The following SLC14A2 variants were observed in gnomAD, a reference collection of about 807,000 sequenced individuals.
SLC14A2 encodes the protein solute carrier family 14 member 2, also known as urea transporter 2.
Under a neutral mutation model 104.6 loss-of-function variants are expected in SLC14A2, and 91 were observed. The ratio of observed to expected loss-of-function variants is 0.87; its 90% CI spans 0.73 to 1.04. The LOEUF is 1.04. SLC14A2 is among the 50% of genes least tolerant of loss of function. The pLI is 0.00. For synonymous variants in SLC14A2, 476 were observed against 466.4 expected (o/e 1.02, Z -0.27); for missense variants, 1,189 against 1,156.0 (o/e 1.03, Z -0.41).
intron 2 of SLC14A2, chr18:45,549,977 T>TA (rs2044034297): frequency 6.7e-6 from 1 of 148,872 alleles, no homozygotes; most frequent in African/African-American, 2.4e-5. Flanking sequence ...ATGTCTTATT[T>TA]TTTTTTTTTT....
chr18:45,626,136 TCCTATGTGAAA>T (rs1279784899), intron 3 of SLC14A2, among the ~76,000 whole-genome samples: 2 of 152,196 alleles, frequency 1.3e-5, no homozygotes, highest in Non-Finnish European at 2.9e-5. Context: ...AATTGCTCGT[TCCTATGTGAAA>T]TAGATATAGG....
At chr18:45,399,098 A>G (rs2086067581) in intron 1 of SLC14A2, among the ~76,000 whole-genome samples, 2 of 152,222 alleles carry the variant, frequency 1.3e-5, no homozygotes, top group Non-Finnish European at 2.9e-5. Flanking sequence ...AGTAAATTCT[A>G]TGATTGCCCC....
In SLC14A2 at chr18:45,298,127, TG is replaced by T. The variant is rs531605676; in HGVS notation, c.-125+84937del. 3.9e-3 allele frequency among the ~76,000 whole-genome samples: 591 copies of T among 151,180 alleles called. 5 individuals carry two copies. Among genetic ancestry groups the T allele is most frequent in the Middle Eastern group, 0.017 (5 of 294 alleles). ...CTTCTGAATATTTATTACCTTTAAC[TG>T]CACATAAGCATCTTTTTAAAAAAAT... On this transcript the variant is annotated intron_variant, in intron 1 of 20. Transcript: ENST00000586448.
At chr18:45,584,010 A>C (rs1354409337) in intron 2 of SLC14A2, among the ~76,000 whole-genome samples, 2 of 152,248 alleles carry the variant, frequency 1.3e-5, no homozygotes, top group Non-Finnish European at 1.5e-5. Flanking sequence ...AATATTTTTA[A>C]AATTATTACT....
intron 1 of SLC14A2, among the ~76,000 whole-genome samples, chr18:45,349,520 G>A (rs773290759): frequency 1.3e-5 from 2 of 152,218 alleles, no homozygotes; most frequent in African/African-American, 4.8e-5. Flanking sequence ...TTCCTAGGCA[G>A]TAGACCAGCA....
chr18:45,200,388 T>G, the SLC14A2 span, among the ~76,000 whole-genome samples: 1 of 152,198 alleles, frequency 6.6e-6, no homozygotes, highest in Non-Finnish European at 1.5e-5. Flanking sequence ...TTCCTTACCT[T>G]TATCAATACA....
At chr18:45,305,623 A>T (rs1445497014) in intron 1 of SLC14A2, among the ~76,000 whole-genome samples, 1 of 152,140 alleles carries the variant, frequency 6.6e-6, no homozygotes, top group African/African-American at 2.4e-5. Flanking sequence ...GTGAACTCTC[A>T]ATTAGACCTG....
rs371216662 is a variant in SLC14A2 at position 45,374,720 on chromosome 18, TTACTTTG to T, written c.-124-108501_-124-108495del. Among the ~76,000 whole-genome samples, 678 of 152,332 alleles carry T rather than the reference TTACTTTG, an allele frequency of 4.5e-3. 4 individuals carry two copies. Among genetic ancestry groups the T allele is most frequent in the African/African-American group, 0.014 (565 of 41,576 alleles). ...TTATTTTACTTTGTACAAAAATCAG[TTACTTTG>T]TACTTTGTACTCCCTCCTCTACCTC... On this transcript the variant is annotated intron_variant, in intron 1 of 20. Transcript: ENST00000586448.
intron 1 of SLC14A2, among the ~76,000 whole-genome samples, chr18:45,267,786 G>A (rs1009121242): frequency 6.6e-6 from 1 of 152,108 alleles, no homozygotes; most frequent in Non-Finnish European, 1.5e-5. Context: ...CTGACACTGA[G>A]GACACTTAGA....
chr18:45,504,654 T>C (rs558642912), intron 2 of SLC14A2, among the ~76,000 whole-genome samples: 1 of 152,334 alleles, frequency 6.6e-6, no homozygotes, highest in East Asian at 1.9e-4. Context: ...ATAAAAATAT[T>C]TGAGTTACAC....
chr18:45,240,149 TAC>T (rs1449253961), intron 1 of SLC14A2, among the ~76,000 whole-genome samples: 1 of 138,540 alleles, frequency 7.2e-6, no homozygotes, highest in African/African-American at 2.8e-5. Context: ...CAGGCTGGAG[TAC>T]AGTGGTGCAA....
intron 1 of SLC14A2, among the ~76,000 whole-genome samples, chr18:45,623,832 C>T (rs2045216295): frequency 6.6e-6 from 1 of 152,110 alleles, no homozygotes; most frequent in South Asian, 2.1e-4. Context: ...CATGCAGGTC[C>T]AAAACCACCT....
At chr18:45,554,951 C>T (rs1471834908) in intron 2 of SLC14A2, among the ~76,000 whole-genome samples, 5 of 152,232 alleles carry the variant, frequency 3.3e-5, no homozygotes, top group Non-Finnish European at 7.3e-5. Flanking sequence ...TACCAAAATT[C>T]TACCACTCAG....
chr18:45,273,972 G>A (rs2084676793), intron 1 of SLC14A2, among the ~76,000 whole-genome samples: 1 of 152,142 alleles, frequency 6.6e-6, no homozygotes, highest in South Asian at 2.1e-4. Flanking sequence ...TTTAATTTGA[G>A]TTTTAATTCT....
chr18:45,632,361 C>T lies in SLC14A2; in HGVS notation c.533C>T (p.Ala178Val), dbSNP rs1170086580. The change falls in exon 5 of 20, where the codon GCC becomes GTC. Residue 178 changes from alanine to valine, a missense_variant. Coordinates refer to ENST00000255226, the MANE Select transcript of SLC14A2 (RefSeq NM_007163.4). Reference sequence around the variant, plus strand: ...TGTTTCACCGCCAGGTCTGCCATTGCCTCAGGACTCCATGGGTACAACGGG... The same window carrying T: ...TGTTTCACCGCCAGGTCTGCCATTGTCTCAGGACTCCATGGGTACAACGGG... ...LALGQDRSAI[A>V]SGLHGYNGML... 3 of 1,612,894 alleles carry T rather than the reference C, an allele frequency of 1.9e-6. No homozygotes were observed. Among genetic ancestry groups the T allele is most frequent in the Non-Finnish European group, 2.5e-6 (3 of 1,179,568 alleles).
At chr18:45,248,938 GA>G (rs2084393970) in intron 1 of SLC14A2, among the ~76,000 whole-genome samples, 1 of 152,148 alleles carries the variant, frequency 6.6e-6, no homozygotes, top group African/African-American at 2.4e-5. Flanking sequence ...ATTTTTAAAT[GA>G]TTTATGAACC....
intron 1 of SLC14A2, among the ~76,000 whole-genome samples, chr18:45,287,534 G>C (rs1375759447): frequency 6.6e-6 from 1 of 152,168 alleles, no homozygotes; most frequent in African/African-American, 2.4e-5. Context: ...GACTCTACTG[G>C]ACTTTGCTGC....
At chr18:45,269,112 A>C (rs1442989776) in intron 1 of SLC14A2, among the ~76,000 whole-genome samples, 1 of 151,998 alleles carries the variant, frequency 6.6e-6, no homozygotes, top group Non-Finnish European at 1.5e-5. Flanking sequence ...AGGCCAAATC[A>C]AGATAAAACA....
chr18:45,458,570 G>A (rs1399502158), intron 1 of SLC14A2, among the ~76,000 whole-genome samples: 2 of 152,116 alleles, frequency 1.3e-5, no homozygotes, highest in Admixed American at 6.5e-5. Flanking sequence ...AGCTATTGAT[G>A]CATTTGATTT....
Sources: gnomAD v4.1 joint callset for allele counts (sites outside exome capture counted in the v4.1 genomes callset) on GRCh38, gnomAD v4.1.1 for gene constraint, MANE v1.5 for transcripts, NCBI Gene and HGNC (gene_info 2026-07-23, HGNC 2026-07-21) for gene names.